MYB: variants seen among roughly 807,000 people sequenced by gnomAD.
The protein encoded by MYB is transcriptional activator Myb.
In MYB, 28 loss-of-function variants were observed where a neutral mutation model predicts 92.9. The observed-to-expected ratio is 0.30, with a 90% CI of 0.22 to 0.41. The LOEUF (loss-of-function observed/expected upper bound fraction) is 0.41. MYB is among the 10% of genes least tolerant of loss of function. The probability of loss-of-function intolerance (pLI) is 1.00; values close to 1 mark genes in which losing one functional copy is unlikely to be tolerated. For synonymous variants in MYB, 295 were observed against 329.1 expected (o/e 0.90, Z 1.12); for missense variants, 679 against 929.3 (o/e 0.73, Z 3.50).
At position 135,193,931 on chromosome 6, in the gene MYB, A is replaced by G. The variant is rs962258380; in HGVS notation, c.843+13A>G. On this transcript the variant is annotated intron_variant, in intron 7 of 15. Coordinates refer to ENST00000341911, the MANE Select transcript of MYB (RefSeq NM_001130173.2). The stretch of plus-strand genomic sequence containing the variant: ...CGCAGCCATTCAGGTAAGATCATTG[A>G]TCATTCACTGTTCAAAGCACCACTT... 9 of 1,577,400 alleles carry G rather than the reference A, an allele frequency of 5.7e-6. No individual in the cohort carries two copies. Among genetic ancestry groups the G allele is most frequent in the African/African-American group, 5.4e-5 (4 of 74,080 alleles).
chr6:135,200,682 A>T, intron 13 of MYB: 1 of 471,890 alleles, frequency 2.1e-6, no homozygotes, highest in African/African-American at 2.0e-5. Context: ...GAGGTTTTTA[A>T]TGTACTTTTA....
intron 6 of MYB, among the ~76,000 whole-genome samples, chr6:135,193,444 A>G (rs1776887225): frequency 6.6e-6 from 1 of 152,226 alleles, no homozygotes; most frequent in Non-Finnish European, 1.5e-5. Context: ...ATTAAAACTC[A>G]AAATTATTCC....
At chr6:135,204,633 G>T (rs1778619550) in intron 15 of MYB, among the ~76,000 whole-genome samples, 1 of 152,306 alleles carries the variant, frequency 6.6e-6, no homozygotes, top group African/African-American at 2.4e-5. Flanking sequence ...AATAAGGATT[G>T]CAAGCACATT....
chr6:135,195,732 C>G lies in MYB; in HGVS notation c.949-16C>G. The G allele has an allele frequency of 3.1e-6, 5 of 1,612,988 alleles. No individual in the cohort carries two copies. Among genetic ancestry groups the G allele is most frequent in the Non-Finnish European group, 4.2e-6 (5 of 1,179,048 alleles). ...TCTGTCCTCTCTTTATTTCTACACC[C>G]TTCCCCCTTCCTTAGACACAGAACC... On this transcript the variant is annotated splice_polypyrimidine_tract_variant and intron_variant, in intron 8 of 15. Coordinates refer to ENST00000341911, the MANE Select transcript of MYB (RefSeq NM_001130173.2).
rs1407436106 is a variant in MYB at position 135,192,310 on chromosome 6, A to G, written c.528-14A>G. The G allele has an allele frequency of 1.2e-6, 2 of 1,601,798 alleles. No individual in the cohort carries two copies. The highest frequency in any genetic ancestry group is 1.7e-5 in the Admixed American group (1 of 60,016). ...TTTTTGTTTGTGAAATTTGTGTGAT[A>G]TATTTCTGTGCAGAACTGATAATGC... On this transcript the variant is annotated splice_polypyrimidine_tract_variant and intron_variant, in intron 5 of 15. Coordinates refer to ENST00000341911, the MANE Select transcript of MYB (RefSeq NM_001130173.2).
rs755739658 is a variant in MYB, at chr6:135,190,999, A to G, written c.527+652A>G. On this transcript the variant is annotated intron_variant, in intron 5 of 15. Transcript: ENST00000341911. The surrounding 1 kb of genome is among the most constrained non-coding windows in gnomAD (Gnocchi z 4.5). Reference sequence around the variant, plus strand: ...TTTTTTGTAGAGATGGAATCCTGCTATGTTACCCAGGCTGGTATCAAACTC... The same window carrying G: ...TTTTTTGTAGAGATGGAATCCTGCTGTGTTACCCAGGCTGGTATCAAACTC... 2.0e-5 allele frequency among the ~76,000 whole-genome samples: 3 copies of G among 152,096 alleles called. No homozygotes were observed. Among genetic ancestry groups the G allele is most frequent in the Non-Finnish European group, 4.4e-5 (3 of 68,012 alleles).
Position 135,201,498 on chromosome 6 carries a change from T to C in MYB, c.1951-141T>C, listed in dbSNP as rs189056530. 547 of 500,102 alleles carry C rather than the reference T, an allele frequency of 1.1e-3. 8 individuals carry two copies. The Admixed American group carries it at 0.017, about 15-fold the overall frequency. 31.0% of individuals were successfully genotyped at this position (500,102 alleles called of 1,614,324 possible). A position where few individuals can be genotyped will look rare whatever the true frequency, so the allele number is the denominator to read the frequency against. On this transcript the variant is annotated intron_variant, in intron 13 of 15. Transcript: ENST00000341911. ...GTGTTTCTTTGTTGAATCCAGAAGATAGAGCAAATTGAGCTGATAGTGTAA... is the reference window on the plus strand; with the variant it reads ...GTGTTTCTTTGTTGAATCCAGAAGACAGAGCAAATTGAGCTGATAGTGTAA...
chr6:135,216,213 G>A (rs1231499056), intron 15 of MYB, among the ~76,000 whole-genome samples: 1 of 152,068 alleles, frequency 6.6e-6, no homozygotes, highest in Non-Finnish European at 1.5e-5. Flanking sequence ...GTGTCCATGG[G>A]GGATTTGTTT....
chr6:135,217,700 C>T (rs1780643397), intron 15 of MYB, among the ~76,000 whole-genome samples, 164 bp from the exon 16 acceptor site: 1 of 152,154 alleles, frequency 6.6e-6, no homozygotes, highest in African/African-American at 2.4e-5. Context: ...CATCCATATC[C>T]CTTAAGAACA....
At position 135,181,313 on chromosome 6, in the gene MYB, T is replaced by G. The variant is rs990450460; in HGVS notation, c.-201T>G. ...CATCTCTGTTTACAGAGTTTACACT[T>G]TAATATCAACCTGTTTCCTCCTCCT... On this transcript the variant is annotated 5_prime_UTR_variant, in exon 1 of 16. Coordinates refer to ENST00000341911, the MANE Select transcript of MYB (RefSeq NM_001130173.2). The surrounding 1 kb of genome is among the most constrained non-coding windows in gnomAD (Gnocchi z 5.3). The G allele has an allele frequency of 4.7e-5, 9 of 191,534 alleles. No individual in the cohort carries two copies. The highest frequency in any genetic ancestry group is 3.1e-4 in the Admixed American group (5 of 16,128). 11.9% of individuals were successfully genotyped at this position (191,534 alleles called of 1,614,324 possible).
rs1777237057 is a variant in MYB at position 135,195,928 on chromosome 6, G to A, written c.1129G>A (p.Val377Ile). ...CGCCTCGCCAGCAAGGTGCATGATCGTCCACCAGGGCACCATTCTGGATAA... is the reference window on the plus strand; with the variant it reads ...CGCCTCGCCAGCAAGGTGCATGATCATCCACCAGGGCACCATTCTGGATAA... ...ESASPARCMI[V>I]HQGTILDNVK... The change falls in exon 9 of 16, where the codon GTC (valine) becomes ATC (isoleucine). Residue 377 changes from valine to isoleucine, a missense_variant. Around this residue, in one of 8 missense-constraint regions of MYB, gnomAD observed 20 missense variants for 46.7 expected, o/e 0.43. Coordinates refer to ENST00000341911, the MANE Select transcript of MYB (RefSeq NM_001130173.2). The A allele has an allele frequency of 2.5e-6, 4 of 1,614,096 alleles. No individual in the cohort carries two copies. The highest frequency in any genetic ancestry group is 2.5e-6 in the Non-Finnish European group (3 of 1,180,004).
intron 15 of MYB, among the ~76,000 whole-genome samples, chr6:135,211,281 C>G (rs1378112313): frequency 6.6e-6 from 1 of 150,824 alleles, no homozygotes; most frequent in Non-Finnish European, 1.5e-5. Context: ...GGCAGAAATT[C>G]ACGTGGCTGT....
At chr6:135,203,411 A>ATGGTG in intron 15 of MYB, 87 bp downstream of exon 15, 2 of 1,093,148 alleles carry the variant, frequency 1.8e-6, no homozygotes. Flanking sequence ...TGGTGATGGT[A>ATGGTG]GTGCTGGTGG....
rs897262138 is a variant in MYB at position 135,204,314 on chromosome 6, T to C, written c.2169+990T>C. On this transcript the variant is annotated intron_variant, in intron 15 of 15. Transcript: ENST00000341911. ...GTTTTTTGTTGATGTTGCTTTGTTT[T>C]TTGAAACAGGGTCTTACCCGGTGGC... is the stretch of plus-strand genomic sequence containing the variant. Among the ~76,000 whole-genome samples, 4 of 152,212 alleles carry C rather than the reference T, an allele frequency of 2.6e-5. No homozygotes were observed. In the East Asian group the frequency reaches 7.7e-4, roughly 29 times the overall value.
intron 1 of MYB, among the ~76,000 whole-genome samples, chr6:135,183,292 A>G (rs1322833314): frequency 2.0e-5 from 3 of 152,126 alleles, no homozygotes; most frequent in Non-Finnish European, 2.9e-5. Context: ...TATATTAACC[A>G]GGTCAGCGAA....
chr6:135,197,783 T>C (rs1169852440), intron 10 of MYB, among the ~76,000 whole-genome samples: 1 of 152,222 alleles, frequency 6.6e-6, no homozygotes, highest in African/African-American at 2.4e-5. Flanking sequence ...CTAGAAAATT[T>C]AAAGGTTCCA....
intron 1 of MYB, among the ~76,000 whole-genome samples, chr6:135,184,322 C>CTTTTTTTTTTTTTTTTTTTTT: frequency 2.9e-5 from 2 of 68,402 alleles, no homozygotes; most frequent in African/African-American, 5.9e-5. Context: ...GGCTTTATAG[C>CTTTTTTTTTTTTTTTTTTTTT]TTTTTTTTTT....
chr6:135,212,622 C>T (rs1166325449), intron 15 of MYB, among the ~76,000 whole-genome samples: 1 of 152,132 alleles, frequency 6.6e-6, no homozygotes, highest in Non-Finnish European at 1.5e-5. Flanking sequence ...CGAGATGACT[C>T]CCCGGCCACA....
At chr6:135,204,112 C>T (rs184878338) in intron 15 of MYB, among the ~76,000 whole-genome samples, 1 of 152,284 alleles carries the variant, frequency 6.6e-6, no homozygotes, top group Non-Finnish European at 1.5e-5. Context: ...AGCCTGGATT[C>T]AGAAGCTGAA....
Sources: allele counts gnomAD v4.1 joint callset (sites outside exome capture counted in the v4.1 genomes callset), GRCh38; gene constraint gnomAD v4.1.1; regional missense constraint gnomAD v4.1.1; non-coding constraint Gnocchi (gnomAD v3.1); transcripts MANE v1.5; gene names NCBI Gene and HGNC (gene_info 2026-07-23, HGNC 2026-07-21).